Variants in KCNT2 observed in about 807,000 individuals in gnomAD.
KCNT2 encodes potassium channel subfamily T member 2.
KCNT2 carries 67 observed loss-of-function variants against 153.8 expected under a neutral mutation model. The observed-to-expected ratio is 0.44, with a 90% CI of 0.36 to 0.53. The LOEUF is 0.53. KCNT2 is among the 20% of genes least tolerant of loss of function. The probability of loss-of-function intolerance (pLI) is 0.00; values close to 1 mark genes in which losing one functional copy is unlikely to be tolerated. For missense variants in KCNT2, 975 were observed against 1,354.8 expected, an observed-to-expected ratio of 0.72 and a Z score of 4.40; for synonymous variants, 500 against 458.8, an observed-to-expected ratio of 1.09 and a Z score of -1.15.
At chr1:196,594,267 T>C (rs1177018101) in intron 1 of KCNT2, among the ~76,000 whole-genome samples, 1 of 152,186 alleles carries the variant, frequency 6.6e-6, no homozygotes, top group Non-Finnish European at 1.5e-5. Flanking sequence ...GAAAAGCTCC[T>C]TGTGAATATT....
chr1:196,474,310 T>C (rs962283050), intron 5 of KCNT2, among the ~76,000 whole-genome samples: 2 of 152,306 alleles, frequency 1.3e-5, no homozygotes, highest in South Asian at 2.1e-4. Context: ...TAAATACTTT[T>C]TGTTCTTAAA....
intron 13 of KCNT2, among the ~76,000 whole-genome samples, chr1:196,375,681 T>G (rs1668901147): frequency 6.6e-6 from 1 of 151,734 alleles, no homozygotes; most frequent in African/African-American, 2.4e-5. Context: ...ATACTTTATG[T>G]GTATAGATAG....
At chr1:196,471,553 CAAT>C (rs953154664) in intron 5 of KCNT2, among the ~76,000 whole-genome samples, 1 of 151,424 alleles carries the variant, frequency 6.6e-6, no homozygotes, top group Non-Finnish European at 1.5e-5. Flanking sequence ...TTTTTGGTAT[CAAT>C]GATTGTCCAC....
chr1:196,354,013 C>T (rs1201830160), intron 14 of KCNT2, among the ~76,000 whole-genome samples: 1 of 151,834 alleles, frequency 6.6e-6, no homozygotes, highest in Non-Finnish European at 1.5e-5. Flanking sequence ...AATAAAATAG[C>T]ACAAAATCTT....
chr1:196,393,203 G>GT, intron 13 of KCNT2, among the ~76,000 whole-genome samples: 1 of 151,388 alleles, frequency 6.6e-6, no homozygotes, highest in East Asian at 2.0e-4. Context: ...ACTCCTACTT[G>GT]TGAGTGAAAA....
intron 27 of KCNT2, among the ~76,000 whole-genome samples, chr1:196,231,218 A>T (rs555193865): frequency 6.6e-6 from 1 of 151,990 alleles, no homozygotes; most frequent in Non-Finnish European, 1.5e-5. Context: ...TTTAGACATA[A>T]TGCTTTGCTT....
rs545379370 is a variant in KCNT2 at position 196,423,486 on chromosome 1, G to A, written c.1122-373C>T. Among the ~76,000 whole-genome samples, 3 of 151,718 alleles carry A rather than the reference G, an allele frequency of 2.0e-5. No individual in the cohort carries two copies. In the Middle Eastern group the frequency reaches 0.01, roughly 520 times the overall value. ...TGTAATGTCTGAATCAAACTAAGAG[G>A]GGTGGAATACAGCTCCTCTGTATTC... On this transcript the variant is annotated intron_variant, in intron 11 of 27. Coordinates refer to ENST00000294725, the MANE Select transcript of KCNT2 (RefSeq NM_198503.5).
intron 27 of KCNT2, among the ~76,000 whole-genome samples, chr1:196,230,023 A>T (rs1478170684): frequency 1.3e-5 from 2 of 152,082 alleles, no homozygotes; most frequent in African/African-American, 4.8e-5. Context: ...CAAAAAAATC[A>T]AACTATTAAT....
chr1:196,479,462 T>A (rs1678816878), intron 4 of KCNT2, among the ~76,000 whole-genome samples: 1 of 151,578 alleles, frequency 6.6e-6, no homozygotes, highest in Non-Finnish European at 1.5e-5. Context: ...ATTCTAATAC[T>A]CCTTAGTAAA....
intron 27 of KCNT2, among the ~76,000 whole-genome samples, chr1:196,234,679 T>C (rs1465397650): frequency 3.3e-5 from 5 of 151,178 alleles, no homozygotes; most frequent in African/African-American, 1.2e-4. Context: ...TATAAAAGAG[T>C]CTTCTAAAAT....
At chr1:196,314,842 T>C (rs2148015470) in intron 21 of KCNT2, among the ~76,000 whole-genome samples, 1 of 151,820 alleles carries the variant, frequency 6.6e-6, no homozygotes, top group African/African-American at 2.4e-5. Flanking sequence ...CTGCTAGTAA[T>C]ATTAATAGCT....
intron 22 of KCNT2, among the ~76,000 whole-genome samples, chr1:196,303,390 A>G (rs1034395868): frequency 6.6e-6 from 1 of 152,134 alleles, no homozygotes; most frequent in African/African-American, 2.4e-5. Context: ...ATTGACTGGC[A>G]TATATACCTC....
At chr1:196,588,469 T>C (rs1277072738) in intron 1 of KCNT2, among the ~76,000 whole-genome samples, 1 of 152,040 alleles carries the variant, frequency 6.6e-6, no homozygotes. Context: ...TACTAACACA[T>C]AGCAAAACAA....
At chr1:196,378,413 G>T (rs1415585055) in intron 13 of KCNT2, among the ~76,000 whole-genome samples, 1 of 152,078 alleles carries the variant, frequency 6.6e-6, no homozygotes, top group Non-Finnish European at 1.5e-5. Flanking sequence ...CCTGAACTTT[G>T]AGCTGGATGT....
chr1:196,346,233 C>A (rs1268484759), intron 14 of KCNT2, among the ~76,000 whole-genome samples: 1 of 152,100 alleles, frequency 6.6e-6, no homozygotes, highest in Non-Finnish European at 1.5e-5. Context: ...TTCAGGGCAG[C>A]ATTTGGTCTA....
rs1280178514 is a variant in KCNT2, at chr1:196,331,190, T to A, written c.2069A>T (p.Glu690Val). 6.2e-7 allele frequency: 1 copy of A among 1,609,176 alleles called. No homozygotes were observed. The highest frequency in any genetic ancestry group is 1.1e-5 in the South Asian group (1 of 90,948). The change falls in exon 18 of 28, where the codon GAA (glutamate) becomes GTA (valine). Residue 690 changes from glutamate to valine, a missense_variant. Physicochemically the swap from Glu to Val is moderately radical, Grantham distance 121. Transcript: ENST00000294725. ...TCTTAAGCAGCAAAATGGTACTTTT[T>A]CATGAAGGAGATGACAAAAAGTGGG... Reference protein sequence around the residue: ...SSPTFCHLLHEKVPFCCLRLD... With the variant: ...SSPTFCHLLHVKVPFCCLRLD...
chr1:196,393,693 G>A (rs1288425196), intron 13 of KCNT2, among the ~76,000 whole-genome samples: 4 of 151,430 alleles, frequency 2.6e-5, no homozygotes, highest in Non-Finnish European at 4.4e-5. Context: ...TTGAGCTACA[G>A]AAACATGTCT....
At chr1:196,446,854 TCTTC>T (rs1675729488) in intron 8 of KCNT2, among the ~76,000 whole-genome samples, 1 of 151,572 alleles carries the variant, frequency 6.6e-6, no homozygotes. Context: ...GTCTACTGTG[TCTTC>T]CTTCCACTTA....
chr1:196,258,500 A>G lies in KCNT2; in HGVS notation c.2911-6T>C. ...ACACTGATAGATATTTGAGACTTTA[A>G]AGGAAATAGATATTGATAATTAGAT... On this transcript the variant is annotated splice_polypyrimidine_tract_variant and splice_region_variant and intron_variant, in intron 25 of 27. Transcript: ENST00000294725. 1 of 1,475,478 alleles carries G rather than the reference A, an allele frequency of 6.8e-7. No individual in the cohort carries two copies. The highest frequency in any genetic ancestry group is 9.4e-7 in the Non-Finnish European group (1 of 1,069,374). The allele number at this position is 1,475,478 out of a possible 1,614,324, so 91.4% of individuals were successfully genotyped here.
Sources: gnomAD v4.1 joint callset for allele counts (sites outside exome capture counted in the v4.1 genomes callset) on GRCh38, gnomAD v4.1.1 for gene constraint, MANE v1.5 for transcripts, NCBI Gene and HGNC (gene_info 2026-07-23, HGNC 2026-07-21) for gene names.